FOCAD: variants seen among roughly 807,000 people sequenced by gnomAD.
FOCAD encodes KIAA1797.
A neutral mutation model predicts 225.6 loss-of-function variants in FOCAD; 198 were observed. The ratio of observed to expected loss-of-function variants is 0.88; its 90% CI spans 0.78 to 0.99. FOCAD has a LOEUF of 0.99. FOCAD is among the 50% of genes least tolerant of loss of function. FOCAD has a pLI of 0.00. For missense variants in FOCAD, 2,713 were observed against 2,123.6 expected (o/e 1.28, Z -5.46); for synonymous variants, 897 against 755.0 (o/e 1.19, Z -3.08).
chr9:20,886,234 TA>T (rs1030714053), intron 21 of FOCAD, among the ~76,000 whole-genome samples: 10 of 152,052 alleles, frequency 6.6e-5, no homozygotes, highest in Admixed American at 2.0e-4. Context: ...TTGCCTAATA[TA>T]GTGTCTTCAT....
At chr9:20,859,324 G>A (rs1369561993) in intron 15 of FOCAD, among the ~76,000 whole-genome samples, 1 of 151,536 alleles carries the variant, frequency 6.6e-6, no homozygotes, top group African/African-American at 2.4e-5. Flanking sequence ...GGAGGTTGCA[G>A]TGAGCCAAGA....
intron 11 of FOCAD, among the ~76,000 whole-genome samples, chr9:20,807,411 A>G (rs563010573): frequency 6.6e-6 from 1 of 152,256 alleles, no homozygotes. Flanking sequence ...GAAGTAAAAT[A>G]TGAGCTACAT....
chr9:20,993,797 C>A (rs1841860374), intron 43 of FOCAD, among the ~76,000 whole-genome samples: 1 of 152,066 alleles, frequency 6.6e-6, no homozygotes, highest in Non-Finnish European at 1.5e-5. Flanking sequence ...CATTTTGAAC[C>A]AGAAAGTAGA....
intron 28 of FOCAD, among the ~76,000 whole-genome samples, chr9:20,938,926 G>C (rs572890048): frequency 1.3e-5 from 2 of 150,000 alleles, no homozygotes; most frequent in African/African-American, 4.9e-5. Flanking sequence ...AAATGATAAA[G>C]ATGGTACTTT....
exon 2 of FOCAD, chr9:20,658,800 C>G (rs1425019327): frequency 6.5e-6 from 1 of 154,266 alleles, no homozygotes; most frequent in Non-Finnish European, 1.4e-5. Context: ...CTTTGCTCCT[C>G]CCTGCAACTA....
intron 22 of FOCAD, among the ~76,000 whole-genome samples, chr9:20,912,196 A>T (rs1833491693): frequency 6.6e-6 from 1 of 152,114 alleles, no homozygotes; most frequent in Non-Finnish European, 1.5e-5. Flanking sequence ...GATAATTTAG[A>T]TAATGTAATT....
At chr9:20,878,221 G>A (rs13296404) in intron 19 of FOCAD, among the ~76,000 whole-genome samples, 29,423 of 152,082 alleles carry the variant, frequency 0.19, 3,477 homozygotes, top group South Asian at 0.32. Flanking sequence ...GAAATACATA[G>A]CATAGCAAGT....
intron 18 of FOCAD, 76 bp downstream of exon 18, chr9:20,867,088 A>G (rs1439244612): frequency 1.0e-5 from 9 of 889,970 alleles, no homozygotes; most frequent in Non-Finnish European, 1.4e-5. Flanking sequence ...ATCTTAGGAG[A>G]TACTTACCTG....
rs1836122178 is a variant in FOCAD at position 20,937,560 on chromosome 9, C to T, written c.3407+4457C>T. 2.0e-5 allele frequency among the ~76,000 whole-genome samples: 3 copies of T among 151,824 alleles called. No homozygotes were observed. The South Asian group carries it at 6.2e-4, about 31-fold the overall frequency. Reference sequence around the variant, plus strand: ...GCTGAAACTGGATCCCTTCCTTACACCTTATACAAAAATTAATTCAAGATG... The same window carrying T: ...GCTGAAACTGGATCCCTTCCTTACATCTTATACAAAAATTAATTCAAGATG... On this transcript the variant is annotated intron_variant, in intron 28 of 43. Transcript: ENST00000338382.
rs115332394 is a variant in FOCAD, at chr9:20,990,774, G to C, written c.5256+400G>C. 6.6e-3 allele frequency among the ~76,000 whole-genome samples: 1,009 copies of C among 152,292 alleles called. 13 individuals carry two copies. The highest frequency in any genetic ancestry group is 0.023 in the African/African-American group (954 of 41,548). ...GTAAGATACAGTGGTGATGAGCAAG[G>C]GAAGGAGTTGATCAACAATGCCTGG... On this transcript the variant is annotated intron_variant, in intron 42 of 43. Transcript: ENST00000338382.
chr9:20,745,049 A>C (rs1342092788), intron 5 of FOCAD, among the ~76,000 whole-genome samples: 1 of 151,840 alleles, frequency 6.6e-6, no homozygotes, highest in Non-Finnish European at 1.5e-5. Flanking sequence ...ATTTGGTCTG[A>C]ATTTTCTTTT....
chr9:20,910,500 T>C (rs1213148045), intron 22 of FOCAD, among the ~76,000 whole-genome samples: 1 of 152,082 alleles, frequency 6.6e-6, no homozygotes. Flanking sequence ...TGTGTATCTT[T>C]GTTTTGTTTT....
rs117268261 is a variant in FOCAD, at chr9:20,724,572, C to T, written c.287+4038C>T. On this transcript the variant is annotated intron_variant, in intron 4 of 43. Transcript: ENST00000338382. ...AATTTAATTTTTGAATCAATTTGAT[C>T]ATAAAATATATAAGTGCTAAGTTTT... Among the ~76,000 whole-genome samples, 104 of 152,224 alleles carry T rather than the reference C, an allele frequency of 6.8e-4. 1 individual carries two copies. The East Asian group carries it at 0.017, about 25-fold the overall frequency.
chr9:20,662,687 TG>T (rs1316039535), intron 2 of FOCAD, among the ~76,000 whole-genome samples: 4 of 152,134 alleles, frequency 2.6e-5, no homozygotes, highest in Non-Finnish European at 5.9e-5. Context: ...CTTGAACACC[TG>T]GGCTCCCTGC....
chr9:20,739,129 A>T (rs542365491), intron 4 of FOCAD, among the ~76,000 whole-genome samples: 1 of 152,162 alleles, frequency 6.6e-6, no homozygotes, highest in Non-Finnish European at 1.5e-5. Context: ...ACTCAGTAAC[A>T]TCTCACATAA....
rs1819406994 is a variant in FOCAD at position 20,781,855 on chromosome 9, C to A, written c.1123C>A (p.Pro375Thr). 1 of 1,613,978 alleles carries A rather than the reference C, an allele frequency of 6.2e-7. No homozygotes were observed. The change falls in exon 10 of 44, where the codon CCC becomes ACC. Residue 375 changes from proline to threonine, a missense_variant. Physicochemically the swap from Pro to Thr is conservative, Grantham distance 38. Transcript: ENST00000338382. Reference sequence around the variant, plus strand: ...CTGTATATCTGTGGATGAAGAAGGTCCCTCTAGGCAGCAGTTGGCTCTAAA... The same window carrying A: ...CTGTATATCTGTGGATGAAGAAGGTACCTCTAGGCAGCAGTTGGCTCTAAA... ...EDCISVDEEGPSRQQLALNLL... is the reference protein window; with the variant it reads ...EDCISVDEEGTSRQQLALNLL...
At chr9:20,934,009 T>G (rs1213388416) in intron 28 of FOCAD, among the ~76,000 whole-genome samples, 1 of 152,202 alleles carries the variant, frequency 6.6e-6, no homozygotes, top group Non-Finnish European at 1.5e-5. Context: ...ATATCTTCTT[T>G]TGAGAATTGT....
chr9:20,792,744 G>T (rs12352542), intron 11 of FOCAD, among the ~76,000 whole-genome samples: 1,692 of 152,180 alleles, frequency 0.011, 32 homozygotes, highest in African/African-American at 0.039. Flanking sequence ...TTTTTTCCAT[G>T]TGTAAAAGTG....
At chr9:20,704,292 CTTG>C (rs939357412) in intron 1 of FOCAD, among the ~76,000 whole-genome samples, 6 of 152,150 alleles carry the variant, frequency 3.9e-5, no homozygotes, top group African/African-American at 7.2e-5. Flanking sequence ...AATTTACTAT[CTTG>C]TTGTAAAATT....
Sources: allele counts gnomAD v4.1 joint callset (sites outside exome capture counted in the v4.1 genomes callset), GRCh38; gene constraint gnomAD v4.1.1; transcripts MANE v1.5; gene names NCBI Gene and HGNC (gene_info 2026-07-23, HGNC 2026-07-21).